SLC25A48: variants seen among roughly 807,000 people sequenced by gnomAD.
SLC25A48 encodes the protein CTC-321K16.1.
SLC25A48 carries 29 observed loss-of-function variants against 32.2 expected under a neutral mutation model. That is an observed-to-expected ratio of 0.90 (90% confidence interval 0.67 to 1.23). SLC25A48 has a LOEUF of 1.23. Ranked by LOEUF, SLC25A48 falls within the 50% of genes most tolerant of loss-of-function variation. The pLI, the probability that SLC25A48 is intolerant of heterozygous loss-of-function variation, is 0.00. For missense variants in SLC25A48, 399 were observed against 422.7 expected (o/e 0.94, Z 0.49); for synonymous variants, 164 against 172.3 (o/e 0.95, Z 0.38).
chr5:135,842,751 C>T (rs1759112549), intron 2 of SLC25A48, among the ~76,000 whole-genome samples: 1 of 152,204 alleles, frequency 6.6e-6, no homozygotes. Flanking sequence ...TTGGGATTAT[C>T]CAAGCCCCTT....
intron 3 of SLC25A48, among the ~76,000 whole-genome samples, chr5:135,757,517 AAC>A (rs1034248502): frequency 9.4e-5 from 14 of 149,582 alleles, no homozygotes; most frequent in African/African-American, 3.4e-4. Flanking sequence ...GTCTACTGTT[AAC>A]ACACTATATT....
chr5:135,717,880 A>T (rs762971730), intron 3 of SLC25A48, among the ~76,000 whole-genome samples: 1 of 152,234 alleles, frequency 6.6e-6, no homozygotes, highest in Non-Finnish European at 1.5e-5. Flanking sequence ...TAAGAAATGA[A>T]TATGAACAGG....
At chr5:135,723,592 G>A (rs1036427776) in intron 3 of SLC25A48, among the ~76,000 whole-genome samples, 1 of 147,324 alleles carries the variant, frequency 6.8e-6, no homozygotes, top group African/African-American at 2.5e-5. Context: ...TAACAGAAAT[G>A]TTGCTTTAAT....
At chr5:135,609,443 T>A (rs1379881523) in intron 1 of SLC25A48, 2 of 152,172 alleles carry the variant, frequency 1.3e-5, no homozygotes, top group African/African-American at 4.8e-5. Flanking sequence ...TTAAATAGTA[T>A]GAAGAAAACA....
chr5:135,609,009 G>A lies in SLC25A48; in HGVS notation c.-848-20228G>A, dbSNP rs1009832920. Among the ~76,000 whole-genome samples, 4 of 152,168 alleles carry A rather than the reference G, an allele frequency of 2.6e-5. 1 individual carries two copies. Among genetic ancestry groups the A allele is most frequent in the East Asian group, 3.8e-4 (2 of 5,200 alleles). ...GGAAACAACAGCTGGCACTTTGGAC[G>A]CTGAGCTTCAATTGGCATGACCTGA... is the stretch of plus-strand genomic sequence containing the variant. On this transcript the variant is annotated intron_variant, in intron 1 of 10. Coordinates refer to the SLC25A48 transcript ENST00000646290.
At chr5:135,830,959 C>T (rs1456027769), upstream of SLC25A48, among the ~76,000 whole-genome samples, 4 of 152,120 alleles carry the variant, frequency 2.6e-5, no homozygotes, top group African/African-American at 9.7e-5. Context: ...GCAGGGGTGC[C>T]TTGAGAGAGG....
upstream of SLC25A48, among the ~76,000 whole-genome samples, chr5:135,833,800 C>T (rs1039250607): frequency 3.3e-5 from 5 of 152,196 alleles, no homozygotes; most frequent in African/African-American, 7.2e-5. Context: ...GATCAAGCTT[C>T]GGTGGTCAGG....
At chr5:135,826,807 C>G (rs372741606) in intron 4 of SLC25A48, 1 of 152,206 alleles carries the variant, frequency 6.6e-6, no homozygotes, top group Non-Finnish European at 1.5e-5. Context: ...TGTCTGACCT[C>G]GGGCCAAGTA....
intron 1 of SLC25A48, 110 bp from the exon 2 acceptor site, chr5:135,842,306 C>T: frequency 8.8e-7 from 1 of 1,134,716 alleles, no homozygotes; most frequent in East Asian, 2.3e-5. Flanking sequence ...CTCCCCCTAC[C>T]CCAGCAATTG....
chr5:135,591,235 G>C (rs572563851), intron 1 of SLC25A48, among the ~76,000 whole-genome samples: 1 of 152,400 alleles, frequency 6.6e-6, no homozygotes, highest in African/African-American at 2.4e-5. Flanking sequence ...CACTCTGGGA[G>C]GCAGGCATTC....
At chr5:135,818,100 TC>T (rs1757782545) in intron 4 of SLC25A48, among the ~76,000 whole-genome samples, 8 of 141,374 alleles carry the variant, frequency 5.7e-5, no homozygotes, top group Non-Finnish European at 6.3e-5. Context: ...TCTCTCTCTC[TC>T]TCTCTCTCTC....
At chr5:135,766,073 G>T (rs1260198892) in intron 3 of SLC25A48, among the ~76,000 whole-genome samples, 1 of 151,470 alleles carries the variant, frequency 6.6e-6, no homozygotes, top group Non-Finnish European at 1.5e-5. Context: ...GTATCCAGCG[G>T]GAGAGAGTAA....
chr5:135,662,799 C>G (rs1365296326), intron 3 of SLC25A48, among the ~76,000 whole-genome samples: 2 of 152,152 alleles, frequency 1.3e-5, no homozygotes, highest in East Asian at 3.9e-4. Flanking sequence ...TTCCCTCCTG[C>G]CTTCGAAGGG....
intron 3 of SLC25A48, among the ~76,000 whole-genome samples, chr5:135,743,472 C>G (rs1391632695): frequency 6.6e-6 from 1 of 152,040 alleles, no homozygotes; most frequent in Non-Finnish European, 1.5e-5. Flanking sequence ...GACAGCCCCC[C>G]ACAACAAAGA....
intron 3 of SLC25A48, among the ~76,000 whole-genome samples, chr5:135,767,225 G>A (rs1462064588): frequency 2.0e-5 from 3 of 151,354 alleles, no homozygotes; most frequent in African/African-American, 7.3e-5. Flanking sequence ...ATCCAAAGTG[G>A]GAGAGGGTGA....
intron 4 of SLC25A48, chr5:135,813,165 C>T (rs1032959750): frequency 2.6e-5 from 4 of 152,586 alleles, no homozygotes; most frequent in African/African-American, 9.6e-5. Flanking sequence ...AGCGCCTGGC[C>T]TTGCTACCTA....
chr5:135,834,510 A>C, upstream of SLC25A48: 1 of 353,828 alleles, frequency 2.8e-6, no homozygotes, highest in Non-Finnish European at 5.1e-6. Context: ...GGCAAGGAAG[A>C]GGATAACCCG....
chr5:135,791,436 T>C (rs551398401), intron 3 of SLC25A48, among the ~76,000 whole-genome samples: 1 of 151,720 alleles, frequency 6.6e-6, no homozygotes, highest in East Asian at 1.9e-4. Flanking sequence ...GATGTTACTT[T>C]TGATTTCGCA....
At chr5:135,659,483 C>T (rs1401469911) in intron 3 of SLC25A48, among the ~76,000 whole-genome samples, 1 of 152,228 alleles carries the variant, frequency 6.6e-6, no homozygotes, top group Non-Finnish European at 1.5e-5. Context: ...CCGAACCTTT[C>T]CTCATCTTCC....
Sources: allele counts gnomAD v4.1 joint callset (sites outside exome capture counted in the v4.1 genomes callset), GRCh38; gene constraint gnomAD v4.1.1; transcripts MANE v1.5; gene names NCBI Gene and HGNC (gene_info 2026-07-23, HGNC 2026-07-21).